Variants in SNTG1 observed in about 807,000 individuals in gnomAD.
SNTG1 encodes the protein gamma-1-syntrophin.
Under a neutral mutation model 74.7 loss-of-function variants are expected in SNTG1, and 39 were observed. That is an observed-to-expected ratio of 0.52 (90% CI 0.40 to 0.68). The LOEUF (loss-of-function observed/expected upper bound fraction) is 0.68. Ranked by LOEUF, SNTG1 falls within the 30% of genes least tolerant of loss-of-function variation. SNTG1 has a pLI of 0.00. For synonymous variants in SNTG1, 254 were observed against 217.1 expected (o/e 1.17, Z -1.49); for missense variants, 685 against 609.5 (o/e 1.12, Z -1.30).
At chr8:50,660,354 AAGAAAG>A (rs2095213574) in intron 15 of SNTG1, among the ~76,000 whole-genome samples, 1 of 135,936 alleles carries the variant, frequency 7.4e-6, no homozygotes, top group African/African-American at 2.9e-5. Flanking sequence ...GAAAGAAAGA[AAGAAAG>A]AGAGAGAGAG....
At chr8:49,967,391 T>G (rs961510147) in intron 1 of SNTG1, among the ~76,000 whole-genome samples, 6 of 152,330 alleles carry the variant, frequency 3.9e-5, no homozygotes, top group Middle Eastern at 3.4e-3. Flanking sequence ...TTATAAAATC[T>G]ACTTCTGTAG....
chr8:50,167,648 A>G (rs942401740), intron 1 of SNTG1, among the ~76,000 whole-genome samples: 3 of 151,178 alleles, frequency 2.0e-5, no homozygotes, highest in Non-Finnish European at 4.4e-5. Flanking sequence ...AAAAAAAAAA[A>G]TACAAAATAC....
intron 1 of SNTG1, among the ~76,000 whole-genome samples, chr8:50,160,075 G>C (rs2082368614): frequency 6.6e-6 from 1 of 152,142 alleles, no homozygotes; most frequent in Non-Finnish European, 1.5e-5. Context: ...ACAACATATT[G>C]AGTAATGTGT....
At chr8:50,029,479 C>T (rs982828047) in intron 1 of SNTG1, among the ~76,000 whole-genome samples, 9 of 152,014 alleles carry the variant, frequency 5.9e-5, no homozygotes, top group African/African-American at 2.2e-4. Context: ...CATTAACCAT[C>T]CCCACATTAT....
At chr8:49,986,882 C>CACAT (rs892528538) in intron 1 of SNTG1, among the ~76,000 whole-genome samples, 9 of 151,916 alleles carry the variant, frequency 5.9e-5, no homozygotes, top group Non-Finnish European at 1.3e-4. Context: ...AATAGATAAA[C>CACAT]AAATAAATAA....
At chr8:50,456,709 A>G (rs956852009) in intron 8 of SNTG1, among the ~76,000 whole-genome samples, 4 of 152,208 alleles carry the variant, frequency 2.6e-5, no homozygotes, top group Non-Finnish European at 4.4e-5. Flanking sequence ...GAGGGACACA[A>G]ACATTCAAAC....
At position 50,014,492 on chromosome 8, in the gene SNTG1, G is replaced by A. The variant is rs1032718287; in HGVS notation, c.-103+102261G>A. Among the ~76,000 whole-genome samples the A allele has an allele frequency of 5.3e-5, 8 of 152,120 alleles. No homozygotes were observed. In the East Asian group the frequency reaches 1.4e-3, roughly 26 times the overall value. On this transcript the variant is annotated intron_variant, in intron 1 of 18. Transcript: ENST00000642720. ...TACCAAAAAGCTCTGAAATACTCTT[G>A]GGTATCTAAACTGATGCAAAGCCAT...
chr8:50,625,709 A>T (rs1307873001), intron 13 of SNTG1, among the ~76,000 whole-genome samples: 1 of 152,234 alleles, frequency 6.6e-6, no homozygotes, highest in Non-Finnish European at 1.5e-5. Flanking sequence ...GACAAAAAGT[A>T]TTCAATTCTT....
intron 18 of SNTG1, among the ~76,000 whole-genome samples, chr8:50,760,407 G>T (rs980319740): frequency 6.6e-6 from 1 of 152,040 alleles, no homozygotes; most frequent in Non-Finnish European, 1.5e-5. Flanking sequence ...GGGCATCCTT[G>T]TCTTGTGCCA....
At chr8:50,779,379 C>CCT (rs2095651387) in intron 18 of SNTG1, among the ~76,000 whole-genome samples, 1 of 151,880 alleles carries the variant, frequency 6.6e-6, no homozygotes, top group Non-Finnish European at 1.5e-5. Context: ...TTTATTTCAT[C>CCT]GAGCAGTGGT....
chr8:50,359,199 G>T (rs1454454739), intron 2 of SNTG1, among the ~76,000 whole-genome samples: 1 of 152,132 alleles, frequency 6.6e-6, no homozygotes, highest in African/African-American at 2.4e-5. Context: ...TCTGCTTTGT[G>T]CTCAGTCTTC....
At chr8:50,195,217 G>C (rs2083719622) in intron 2 of SNTG1, among the ~76,000 whole-genome samples, 1 of 152,024 alleles carries the variant, frequency 6.6e-6, no homozygotes, top group Admixed American at 6.6e-5. Context: ...CATCAGGGAA[G>C]TGGGGGAAAG....
chr8:50,381,824 C>A (rs796845186), intron 2 of SNTG1: 1 of 113,104 alleles, frequency 8.8e-6, no homozygotes, highest in Non-Finnish European at 1.9e-5. Flanking sequence ...ATATATATAA[C>A]ATATATATAT....
intron 13 of SNTG1, among the ~76,000 whole-genome samples, chr8:50,610,126 T>C (rs552950769): frequency 6.6e-6 from 1 of 152,310 alleles, no homozygotes; most frequent in South Asian, 2.1e-4. Context: ...TTGTGTCTTA[T>C]TGTAATATGC....
At chr8:50,071,269 G>A (rs1188448755) in intron 1 of SNTG1, among the ~76,000 whole-genome samples, 1 of 152,138 alleles carries the variant, frequency 6.6e-6, no homozygotes, top group African/African-American at 2.4e-5. Flanking sequence ...CATGATCATA[G>A]CTCACTGCTG....
intron 12 of SNTG1, among the ~76,000 whole-genome samples, chr8:50,577,127 T>C (rs1323025795): frequency 6.6e-6 from 1 of 152,178 alleles, no homozygotes; most frequent in Non-Finnish European, 1.5e-5. Flanking sequence ...GTATGGCTTA[T>C]GTTCCGTTAA....
At chr8:50,496,128 G>C (rs1013194589) in intron 8 of SNTG1, among the ~76,000 whole-genome samples, 2 of 152,164 alleles carry the variant, frequency 1.3e-5, no homozygotes, top group Non-Finnish European at 2.9e-5. Flanking sequence ...TCAAAGTCAT[G>C]TTTAAGATCC....
intron 2 of SNTG1, among the ~76,000 whole-genome samples, chr8:50,301,385 A>T (rs1266378772): frequency 2.0e-5 from 3 of 152,118 alleles, no homozygotes; most frequent in Admixed American, 6.5e-5. Flanking sequence ...TCAATATCAT[A>T]TTTTTGAATT....
At chr8:50,301,744 T>C (rs538031838) in intron 2 of SNTG1, among the ~76,000 whole-genome samples, 1 of 152,330 alleles carries the variant, frequency 6.6e-6, no homozygotes, top group African/African-American at 2.4e-5. Flanking sequence ...ATTTTGGTCA[T>C]TCATTTTTAC....
Sources: allele counts gnomAD v4.1 joint callset (sites outside exome capture counted in the v4.1 genomes callset), GRCh38; gene constraint gnomAD v4.1.1; transcripts MANE v1.5; gene names NCBI Gene and HGNC (gene_info 2026-07-23, HGNC 2026-07-21).